TASP1: variants seen among roughly 807,000 people sequenced by gnomAD.
The protein encoded by TASP1 is taspase 1.
A neutral mutation model predicts 56.6 loss-of-function variants in TASP1; 16 were observed. That is an observed-to-expected ratio of 0.28 (90% CI 0.19 to 0.43). The LOEUF (loss-of-function observed/expected upper bound fraction) is 0.43, where lower values mean the gene tolerates loss of function less well. TASP1 is among the 20% of genes least tolerant of loss of function. The pLI is 1.00. For synonymous variants in TASP1, 179 were observed against 184.2 expected (o/e 0.97, Z 0.23); for missense variants, 393 against 511.6 (o/e 0.77, Z 2.24).
intron 10 of TASP1, among the ~76,000 whole-genome samples, chr20:13,493,765 T>C (rs534881095): frequency 6.6e-6 from 1 of 152,300 alleles, no homozygotes; most frequent in Non-Finnish European, 1.5e-5. Flanking sequence ...ATAAGTTCTG[T>C]CCCTCTGGAG....
At chr20:13,497,040 G>C (rs931870254) in intron 10 of TASP1, among the ~76,000 whole-genome samples, 6 of 152,158 alleles carry the variant, frequency 3.9e-5, no homozygotes, top group African/African-American at 1.4e-4. Context: ...TGATGCATCA[G>C]AATCAAAAGA....
the TASP1 span, among the ~76,000 whole-genome samples, chr20:13,321,193 C>T: frequency 7.2e-6 from 1 of 138,210 alleles, no homozygotes; most frequent in Admixed American, 7.7e-5. Flanking sequence ...CAGAATGAGA[C>T]CCTGTCTCCA....
At chr20:13,340,986 C>A in the TASP1 span, among the ~76,000 whole-genome samples, 3 of 152,154 alleles carry the variant, frequency 2.0e-5, no homozygotes, top group African/African-American at 7.2e-5. Context: ...CAAATACTTT[C>A]CTCTTTCAGT....
chr20:13,466,175 T>C (rs1320208993), intron 11 of TASP1, among the ~76,000 whole-genome samples: 1 of 152,068 alleles, frequency 6.6e-6, no homozygotes, highest in Admixed American at 6.6e-5. Flanking sequence ...AATCTACAGT[T>C]AAGTCAAAAT....
At chr20:13,213,311 GTATTTAT>G in the TASP1 span, among the ~76,000 whole-genome samples, 1 of 151,698 alleles carries the variant, frequency 6.6e-6, no homozygotes, top group Non-Finnish European at 1.5e-5. Flanking sequence ...TAAAGCTAAG[GTATTTAT>G]TATTTTTAAA....
At chr20:13,117,304 A>G in the TASP1 span, among the ~76,000 whole-genome samples, 33 of 152,370 alleles carry the variant, frequency 2.2e-4, no homozygotes, top group African/African-American at 7.7e-4. Flanking sequence ...CATTGAATGT[A>G]AATTATTTTA....
chr20:13,413,342 G>C (rs2042152749), intron 13 of TASP1, among the ~76,000 whole-genome samples: 1 of 151,990 alleles, frequency 6.6e-6, no homozygotes, highest in Non-Finnish European at 1.5e-5. Flanking sequence ...ACACAAGGCA[G>C]AGAAACATCA....
the TASP1 span, among the ~76,000 whole-genome samples, chr20:13,146,476 T>A: frequency 6.6e-6 from 1 of 152,304 alleles, no homozygotes; most frequent in Non-Finnish European, 1.5e-5. Context: ...CAGAAGGCCC[T>A]CAGCTTCCCA....
the TASP1 span, among the ~76,000 whole-genome samples, chr20:13,229,745 A>C: frequency 6.6e-6 from 1 of 152,132 alleles, no homozygotes; most frequent in Non-Finnish European, 1.5e-5. Context: ...AGGGAAACTG[A>C]CTTTTTAGAG....
intron 10 of TASP1, among the ~76,000 whole-genome samples, chr20:13,509,957 T>C (rs549180116): frequency 6.6e-6 from 1 of 152,196 alleles, no homozygotes; most frequent in African/African-American, 2.4e-5. Flanking sequence ...TCTTTCACCT[T>C]CCTGGTCAAA....
intron 11 of TASP1, among the ~76,000 whole-genome samples, chr20:13,451,867 C>G (rs1054413496): frequency 1.3e-5 from 2 of 152,096 alleles, no homozygotes; most frequent in African/African-American, 4.8e-5. Context: ...TTAATCATTT[C>G]TAGCTTTTGA....
intron 13 of TASP1, among the ~76,000 whole-genome samples, chr20:13,411,349 T>C (rs1458016812): frequency 6.6e-6 from 1 of 152,150 alleles, no homozygotes; most frequent in Non-Finnish European, 1.5e-5. Flanking sequence ...TCTATTACTG[T>C]GGAAAATATC....
intron 7 of TASP1, among the ~76,000 whole-genome samples, chr20:13,564,933 G>A (rs1205929954): frequency 6.6e-6 from 1 of 150,726 alleles, no homozygotes; most frequent in African/African-American, 2.4e-5. Flanking sequence ...TTGAGCCCGG[G>A]AAGCGGAGGT....
chr20:13,324,994 T>C, the TASP1 span, among the ~76,000 whole-genome samples: 2 of 152,224 alleles, frequency 1.3e-5, no homozygotes, highest in African/African-American at 4.8e-5. Flanking sequence ...CGGCTTCTTA[T>C]CCTGTTAGTG....
the TASP1 span, among the ~76,000 whole-genome samples, chr20:13,271,536 T>C: frequency 6.6e-6 from 1 of 152,238 alleles, no homozygotes; most frequent in Non-Finnish European, 1.5e-5. Flanking sequence ...CTATTGGTAA[T>C]GCACCAGATA....
chr20:13,636,397 T>G (rs977058958), intron 1 of TASP1, among the ~76,000 whole-genome samples: 1 of 150,878 alleles, frequency 6.6e-6, no homozygotes, highest in Non-Finnish European at 1.5e-5. Context: ...TGACCTCAAA[T>G]GATCCGCCTG....
the TASP1 span, among the ~76,000 whole-genome samples, chr20:13,342,957 G>A: frequency 6.6e-5 from 10 of 152,160 alleles, no homozygotes; most frequent in Admixed American, 6.5e-4. Flanking sequence ...AGGAAGGAAT[G>A]TCCCAAAAAG....
chr20:13,628,269 T>A (rs912278735), intron 2 of TASP1, among the ~76,000 whole-genome samples: 2 of 152,214 alleles, frequency 1.3e-5, no homozygotes, highest in Non-Finnish European at 2.9e-5. Context: ...TGAAGCTTTA[T>A]GTTATTGCTT....
chr20:13,497,188 G>A (rs962596814), intron 10 of TASP1, among the ~76,000 whole-genome samples: 3 of 152,192 alleles, frequency 2.0e-5, no homozygotes, highest in African/African-American at 7.2e-5. Context: ...TCTTTGGCAA[G>A]TGAAAAGCAG....
Sources: allele counts gnomAD v4.1 joint callset (sites outside exome capture counted in the v4.1 genomes callset), GRCh38; gene constraint gnomAD v4.1.1; transcripts MANE v1.5; gene names NCBI Gene and HGNC (gene_info 2026-07-23, HGNC 2026-07-21).